GRM7: variants seen among roughly 807,000 people sequenced by gnomAD.
GRM7 encodes the protein glutamate metabotropic receptor 7.
In GRM7, 35 loss-of-function variants were observed where a neutral mutation model predicts 84.5. The observed-to-expected ratio is 0.41, with a 90% CI of 0.32 to 0.55. GRM7 has a LOEUF of 0.55. Ranked by LOEUF, GRM7 falls within the 20% of genes least tolerant of loss-of-function variation. The probability of loss-of-function intolerance (pLI) is 0.19; values close to 1 mark genes in which losing one functional copy is unlikely to be tolerated. For missense variants in GRM7, 1,003 were observed against 1,194.6 expected (o/e 0.84, Z 2.36); for synonymous variants, 487 against 455.1 (o/e 1.07, Z -0.89).
intron 8 of GRM7, among the ~76,000 whole-genome samples, chr3:7,636,925 A>T (rs1698123830): frequency 6.6e-6 from 1 of 152,086 alleles, no homozygotes; most frequent in Non-Finnish European, 1.5e-5. Context: ...GTTTCATAAG[A>T]TGCAATTATT....
intron 7 of GRM7, among the ~76,000 whole-genome samples, chr3:7,527,947 C>T (rs1025880259): frequency 8.8e-5 from 13 of 148,174 alleles, no homozygotes; most frequent in African/African-American, 3.1e-4. Context: ...TTGAGAATTG[C>T]TGCATCTATG....
chr3:7,356,955 C>CACAA (rs1168872873), intron 4 of GRM7, among the ~76,000 whole-genome samples: 11 of 149,552 alleles, frequency 7.4e-5, no homozygotes, highest in African/African-American at 2.7e-4. Flanking sequence ...CACACACACA[C>CACAA]ACACACACAG....
At chr3:7,720,926 A>G (rs1170612247) in intron 9 of GRM7, among the ~76,000 whole-genome samples, 1 of 152,190 alleles carries the variant, frequency 6.6e-6, no homozygotes, top group Non-Finnish European at 1.5e-5. Context: ...TGTGTTCCTT[A>G]ACCTCTCTTA....
In GRM7 at chr3:7,452,703, A is replaced by G; in HGVS notation, c.1271A>G (p.His424Arg). 6.2e-7 allele frequency: 1 copy of G among 1,613,172 alleles called. No homozygotes were observed. The highest frequency in any genetic ancestry group is 8.5e-7 in the Non-Finnish European group (1 of 1,179,300). The change falls in exon 6 of 10, where the codon CAC (histidine) becomes CGC (arginine). Residue 424 changes from histidine (H) to arginine (R), a missense_variant. Transcript: ENST00000357716. ...AVYAMAHALH[H>R]MNKDLCADYR... ...TATGCTATGGCTCACGCCCTTCACC[A>G]CATGAACAAGGATCTCTGTGCTGAC...
chr3:6,912,578 C>G (rs1696808904), intron 1 of GRM7, among the ~76,000 whole-genome samples: 1 of 152,100 alleles, frequency 6.6e-6, no homozygotes, highest in African/African-American at 2.4e-5. Flanking sequence ...CCATACAGAT[C>G]AGCTGATTCT....
chr3:7,474,650 A>T (rs570464107), intron 7 of GRM7, among the ~76,000 whole-genome samples: 1 of 152,246 alleles, frequency 6.6e-6, no homozygotes, highest in South Asian at 2.1e-4. Flanking sequence ...TTTTAAGCTA[A>T]ATCTTAAACT....
intron 2 of GRM7, among the ~76,000 whole-genome samples, chr3:7,200,122 C>G (rs548080728): frequency 6.6e-6 from 1 of 152,240 alleles, no homozygotes; most frequent in East Asian, 1.9e-4. Context: ...CTGAGGAAGC[C>G]ACATTCTTTT....
chr3:7,230,432 A>T (rs954154441), intron 2 of GRM7, among the ~76,000 whole-genome samples: 6 of 152,188 alleles, frequency 3.9e-5, no homozygotes, highest in African/African-American at 1.4e-4. Flanking sequence ...ATTGAGTAGT[A>T]AGTGCCTTGA....
rs1698183512 is a variant in GRM7 at position 7,256,037 on chromosome 3, C to T, written c.737-42647C>T. 4.6e-5 allele frequency among the ~76,000 whole-genome samples: 7 copies of T among 152,156 alleles called. No homozygotes were observed. The South Asian group carries it at 1.5e-3, about 32-fold the overall frequency. On this transcript the variant is annotated intron_variant, in intron 2 of 9. Transcript: ENST00000357716. The stretch of plus-strand genomic sequence containing the variant: ...TCCCTGCCTGACTCTCGTAGGACCT[C>T]TCACCCCTCTGCCCCTTATTTATAA...
chr3:7,667,704 T>G (rs1286322385), intron 8 of GRM7, among the ~76,000 whole-genome samples: 1 of 152,108 alleles, frequency 6.6e-6, no homozygotes, highest in Non-Finnish European at 1.5e-5. Flanking sequence ...CTCACATTCT[T>G]ATTAATTATT....
At chr3:7,117,463 C>T (rs569310865) in intron 1 of GRM7, among the ~76,000 whole-genome samples, 2 of 152,274 alleles carry the variant, frequency 1.3e-5, no homozygotes, top group South Asian at 4.1e-4. Context: ...ATCACTTAAG[C>T]GATCATCTTT....
At chr3:7,039,341 G>C (rs1696504033) in intron 1 of GRM7, among the ~76,000 whole-genome samples, 1 of 152,206 alleles carries the variant, frequency 6.6e-6, no homozygotes, top group African/African-American at 2.4e-5. Context: ...TCTTAAATGA[G>C]AAAGTGTTTT....
chr3:7,723,844 C>T (rs1702032890), intron 9 of GRM7, among the ~76,000 whole-genome samples: 1 of 151,988 alleles, frequency 6.6e-6, no homozygotes, highest in African/African-American at 2.4e-5. Flanking sequence ...GAGAGCACCC[C>T]ACCCCAAAAA....
intron 1 of GRM7, among the ~76,000 whole-genome samples, chr3:6,873,998 T>C (rs1032225851): frequency 6.6e-6 from 1 of 152,200 alleles, no homozygotes; most frequent in Non-Finnish European, 1.5e-5. Context: ...AGTTTAGTAA[T>C]TGAGACCAAG....
intron 8 of GRM7, among the ~76,000 whole-genome samples, chr3:7,668,339 A>G (rs1699784736): frequency 6.6e-6 from 1 of 152,224 alleles, no homozygotes; most frequent in South Asian, 2.1e-4. Context: ...CTTATTTAAC[A>G]TCACCAATTA....
At chr3:7,072,762 C>A (rs915365890) in intron 1 of GRM7, among the ~76,000 whole-genome samples, 1 of 152,118 alleles carries the variant, frequency 6.6e-6, no homozygotes, top group Non-Finnish European at 1.5e-5. Context: ...CTCAACATTG[C>A]AGAACATTAC....
Position 7,412,118 on chromosome 3 carries a change from C to T in GRM7, c.1034-2905C>T, listed in dbSNP as rs117579425. 5.9e-5 allele frequency among the ~76,000 whole-genome samples: 9 copies of T among 152,140 alleles called. No homozygotes were observed. The East Asian group carries it at 1.7e-3, about 30-fold the overall frequency. On this transcript the variant is annotated intron_variant, in intron 4 of 9. Coordinates refer to ENST00000357716, the MANE Select transcript of GRM7 (RefSeq NM_000844.4). ...CTTCATTCACTGATTCTGTTAGTGTCATATGCCTATGATGTGCCAGGAGCT... is the reference window on the plus strand; with the variant it reads ...CTTCATTCACTGATTCTGTTAGTGTTATATGCCTATGATGTGCCAGGAGCT...
At chr3:7,613,848 C>A (rs1034375711) in intron 8 of GRM7, among the ~76,000 whole-genome samples, 1 of 152,092 alleles carries the variant, frequency 6.6e-6, no homozygotes, top group Admixed American at 6.6e-5. Flanking sequence ...GGAAACTCTG[C>A]GAAAACATTT....
chr3:7,545,729 C>T (rs1303946376), intron 7 of GRM7, among the ~76,000 whole-genome samples: 2 of 152,038 alleles, frequency 1.3e-5, no homozygotes, highest in Non-Finnish European at 2.9e-5. Context: ...AAGAAGAAGG[C>T]AATTTTGAGG....
Sources: allele counts gnomAD v4.1 joint callset (sites outside exome capture counted in the v4.1 genomes callset), GRCh38; gene constraint gnomAD v4.1.1; transcripts MANE v1.5; gene names NCBI Gene and HGNC (gene_info 2026-07-23, HGNC 2026-07-21).